The following TLL2 variants were observed in gnomAD, a reference collection of about 807,000 sequenced individuals.
TLL2 encodes the protein tolloid-like protein 2.
A neutral mutation model predicts 123.0 loss-of-function variants in TLL2; 106 were observed. That is an observed-to-expected ratio of 0.86 (90% CI 0.74 to 1.01). The LOEUF (loss-of-function observed/expected upper bound fraction) is 1.01, where lower values mean the gene tolerates loss of function less well. Ranked by LOEUF, TLL2 falls within the 50% of genes least tolerant of loss-of-function variation. The pLI is 0.00. For synonymous variants in TLL2, 494 were observed against 516.8 expected, an observed-to-expected ratio of 0.96 and a Z score of 0.60; for missense variants, 1,332 against 1,336.7, an observed-to-expected ratio of 1.00 and a Z score of 0.06.
At chr10:96,443,255 C>T (rs781145711) in intron 3 of TLL2, among the ~76,000 whole-genome samples, 26 of 152,150 alleles carry the variant, frequency 1.7e-4, no homozygotes, top group Non-Finnish European at 3.1e-4. Flanking sequence ...CTGGTCTGGT[C>T]GTTTGGCTTA....
intron 2 of TLL2, among the ~76,000 whole-genome samples, chr10:96,459,701 A>T (rs1201348851): frequency 0.11 from 4,973 of 44,220 alleles, 319 homozygotes; most frequent in Non-Finnish European, 0.16. Flanking sequence ...AAAAAAAAAA[A>T]AAAAATATAT....
intron 1 of TLL2, among the ~76,000 whole-genome samples, chr10:96,496,570 A>G (rs1379055638): frequency 6.6e-6 from 1 of 152,160 alleles, no homozygotes; most frequent in African/African-American, 2.4e-5. Context: ...TGGGCTGGCG[A>G]CCACCTTGCT....
chr10:96,414,653 T>C (rs534573216), intron 7 of TLL2, among the ~76,000 whole-genome samples: 448 of 152,268 alleles, frequency 2.9e-3, no homozygotes, highest in Non-Finnish European at 4.4e-3. Context: ...CAGCCCAGGA[T>C]CCTCTGCTGA....
intron 1 of TLL2, 22 bp downstream of exon 1, chr10:96,513,489 C>T (rs748017185): frequency 1.9e-6 from 3 of 1,611,600 alleles, no homozygotes; most frequent in Non-Finnish European, 2.5e-6. Flanking sequence ...TTCTGCGGGA[C>T]TTCCCCAGCG....
intron 2 of TLL2, among the ~76,000 whole-genome samples, chr10:96,457,632 CG>C (rs1847029967): frequency 6.6e-6 from 1 of 152,020 alleles, no homozygotes; most frequent in Admixed American, 6.6e-5. Context: ...AGTTTCTAAG[CG>C]GGGTGCTTTC....
intron 7 of TLL2, 119 bp downstream of exon 7, chr10:96,420,837 G>T: frequency 1.2e-6 from 1 of 809,706 alleles, no homozygotes; most frequent in Non-Finnish European, 2.1e-6. Context: ...TTCAAGGACA[G>T]ACAGGCCAGC....
rs187957199 is a variant in TLL2, at chr10:96,473,050, C to G, written c.286+7299G>C. On this transcript the variant is annotated intron_variant, in intron 2 of 20. Coordinates refer to ENST00000357947, the MANE Select transcript of TLL2 (RefSeq NM_012465.4). ...GAAGTTAGAATGTGGTTCCATCAGC[C>G]CCCCCCAATCAGATGGGAACACTGA... is the stretch of plus-strand genomic sequence containing the variant. 1.9e-3 allele frequency among the ~76,000 whole-genome samples: 282 copies of G among 151,704 alleles called. 1 individual carries two copies. The highest frequency in any genetic ancestry group is 6.3e-3 in the African/African-American group (259 of 41,156).
chr10:96,435,278 G>A (rs982227164), intron 3 of TLL2, among the ~76,000 whole-genome samples: 17 of 152,020 alleles, frequency 1.1e-4, no homozygotes, highest in South Asian at 4.2e-4. Context: ...TGATCTGCCC[G>A]CCTCGGCCTC....
intron 6 of TLL2, 43 bp downstream of exon 6, chr10:96,422,506 C>T: frequency 6.2e-7 from 1 of 1,609,300 alleles, no homozygotes; most frequent in South Asian, 1.1e-5. Flanking sequence ...AGGTTGCCAC[C>T]TTCTCGACCG....
At position 96,367,012 on chromosome 10, in the gene TLL2, G is replaced by C. The variant is rs936205767; in HGVS notation, c.*1076C>G. On this transcript the variant is annotated 3_prime_UTR_variant, in exon 21 of 21. Transcript: ENST00000357947. ...TTGAATACTAGTTAATCAGAGCAAA[G>C]TTACCAACGCACTCTTTAACCTGAT... 1 of 152,512 alleles carries C rather than the reference G, an allele frequency of 6.6e-6. No individual in the cohort carries two copies. The highest frequency in any genetic ancestry group is 6.5e-5 in the Admixed American group (1 of 15,286). The allele number at this position is 152,512 out of a possible 1,614,324, so 9.4% of individuals were successfully genotyped here.
intron 2 of TLL2, among the ~76,000 whole-genome samples, chr10:96,459,669 C>CAAAAAAA (rs1165594084): frequency 4.1e-5 from 1 of 24,446 alleles, no homozygotes; most frequent in Non-Finnish European, 6.7e-5. Flanking sequence ...GATCCTGTTT[C>CAAAAAAA]AAAAAAAAAA....
intron 2 of TLL2, among the ~76,000 whole-genome samples, chr10:96,477,659 T>A (rs1485300650): frequency 2.0e-5 from 3 of 152,204 alleles, no homozygotes; most frequent in African/African-American, 7.2e-5. Flanking sequence ...TTTCTTTTCA[T>A]CCTCGCAGCA....
At position 96,470,804 on chromosome 10, in the gene TLL2, C is replaced by A. The variant is rs147791274; in HGVS notation, c.286+9545G>T. Among the ~76,000 whole-genome samples, 21 of 152,338 alleles carry A rather than the reference C, an allele frequency of 1.4e-4. 1 individual carries two copies. In the East Asian group the frequency reaches 4.0e-3, roughly 29 times the overall value. On this transcript the variant is annotated intron_variant, in intron 2 of 20. Coordinates refer to ENST00000357947, the MANE Select transcript of TLL2 (RefSeq NM_012465.4). ...CTACACGTACTAATAGTACCTACCA[C>A]ATAGAACTGTTGTGTGAAGATTAAA... is the stretch of plus-strand genomic sequence containing the variant.
intron 2 of TLL2, among the ~76,000 whole-genome samples, chr10:96,477,801 G>C (rs1333867067): frequency 6.6e-6 from 1 of 152,132 alleles, no homozygotes; most frequent in Admixed American, 6.5e-5. Context: ...CACCCTTCTG[G>C]GAGCAAAGCC....
Position 96,480,472 on chromosome 10 carries a change from C to T in TLL2, c.176-13G>A, listed in dbSNP as rs750750657. Reference sequence around the variant, plus strand: ...CCCCAAAAGACAGCTGGGAAGGAAACACATAAGTGGGTGAATTTATGCTAG... The same window carrying T: ...CCCCAAAAGACAGCTGGGAAGGAAATACATAAGTGGGTGAATTTATGCTAG... On this transcript the variant is annotated splice_polypyrimidine_tract_variant and intron_variant, in intron 1 of 20. Transcript: ENST00000357947. 2 of 1,598,570 alleles carry T rather than the reference C, an allele frequency of 1.3e-6. No homozygotes were observed. Among genetic ancestry groups the T allele is most frequent in the South Asian group, 2.2e-5 (2 of 90,772 alleles).
At chr10:96,471,890 T>C (rs1172965941) in intron 2 of TLL2, among the ~76,000 whole-genome samples, 3 of 151,818 alleles carry the variant, frequency 2.0e-5, no homozygotes, top group African/African-American at 7.3e-5. Flanking sequence ...GCAAGCACGA[T>C]TGTGTGTGTG....
At chr10:96,384,059 T>A (rs1846208509) in intron 16 of TLL2, among the ~76,000 whole-genome samples, 1 of 152,202 alleles carries the variant, frequency 6.6e-6, no homozygotes. Flanking sequence ...GTTAAGAATC[T>A]TGAGATGAAA....
At position 96,387,040 on chromosome 10, in the gene TLL2, C is replaced by T. The variant is rs747241416; in HGVS notation, c.1765G>A (p.Glu589Lys). Residue 589 changes from glutamate (E) to lysine (K), a missense_variant, in exon 14 of 21, where the codon GAG becomes AAG. Glu to Lys is a moderately conservative substitution (Grantham distance 56, BLOSUM62 1). Transcript: ENST00000357947. ...CCCAGCGTGTTCACACAGCGATGCT[C>T]GCACCCGCCGTGATCTGGCCAGGAA... is the stretch of plus-strand genomic sequence containing the variant. ...ECSWPDHGGCEHRCVNTLGSY... is the reference protein window; with the variant it reads ...ECSWPDHGGCKHRCVNTLGSY... 36 of 1,613,736 alleles carry T rather than the reference C, an allele frequency of 2.2e-5. No individual in the cohort carries two copies. The highest frequency in any genetic ancestry group is 2.5e-5 in the Non-Finnish European group (29 of 1,180,030).
intron 2 of TLL2, among the ~76,000 whole-genome samples, chr10:96,446,496 C>G (rs1362052427): frequency 7.5e-6 from 1 of 132,494 alleles, no homozygotes; most frequent in African/African-American, 2.7e-5. Context: ...CTCACGCGCC[C>G]CCCACCTCCA....
Sources: gnomAD v4.1 joint callset for allele counts (sites outside exome capture counted in the v4.1 genomes callset) on GRCh38, gnomAD v4.1.1 for gene constraint, MANE v1.5 for transcripts, NCBI Gene and HGNC (gene_info 2026-07-23, HGNC 2026-07-21) for gene names.